CERK: variants seen among roughly 807,000 people sequenced by gnomAD.
CERK encodes ceramide kinase.
CERK carries 39 observed loss-of-function variants against 63.4 expected under a neutral mutation model. The ratio of observed to expected loss-of-function variants is 0.61; its 90% CI spans 0.48 to 0.80. CERK has a LOEUF of 0.80. CERK is among the 30% of genes least tolerant of loss of function. The pLI is 0.00. For synonymous variants in CERK, 302 were observed against 280.0 expected (o/e 1.08, Z -0.78); for missense variants, 670 against 714.1 (o/e 0.94, Z 0.70).
rs572903477 is a variant in CERK, at chr22:46,698,463, C to T, written c.943+850G>A. On this transcript the variant is annotated intron_variant, in intron 8 of 12. Transcript: ENST00000216264. Reference sequence around the variant, plus strand: ...CTACGGTGTAACCCCAACAAAACCACGCAACCTTGTTGAATGAAGTAAAGG... The same window carrying T: ...CTACGGTGTAACCCCAACAAAACCATGCAACCTTGTTGAATGAAGTAAAGG... Among the ~76,000 whole-genome samples, 30 of 152,372 alleles carry T rather than the reference C, an allele frequency of 2.0e-4. No homozygotes were observed. In the South Asian group the frequency reaches 4.8e-3, roughly 24 times the overall value.
chr22:46,717,318 T>C (rs1398636445), intron 3 of CERK, among the ~76,000 whole-genome samples: 1 of 152,194 alleles, frequency 6.6e-6, no homozygotes, highest in Non-Finnish European at 1.5e-5. Flanking sequence ...GCAAAAGACA[T>C]GCTCTAGAAT....
At chr22:46,702,437 A>G (rs1229959955) in intron 6 of CERK, among the ~76,000 whole-genome samples, 4 of 151,948 alleles carry the variant, frequency 2.6e-5, no homozygotes, top group African/African-American at 7.2e-5. Flanking sequence ...GATTACAGGC[A>G]CGCGCCACCA....
At chr22:46,703,256 A>G (rs1214747399) in intron 6 of CERK, among the ~76,000 whole-genome samples, 1 of 152,216 alleles carries the variant, frequency 6.6e-6, no homozygotes, top group East Asian at 1.9e-4. Flanking sequence ...CATGCCTTTC[A>G]GATGCTCCAG....
intron 1 of CERK, among the ~76,000 whole-genome samples, chr22:46,736,358 G>A (rs1446324609): frequency 6.6e-6 from 1 of 152,220 alleles, no homozygotes; most frequent in Non-Finnish European, 1.5e-5. Flanking sequence ...TGGAGCCTGA[G>A]GGAAGCCTTA....
At chr22:46,705,649 C>T (rs993211728) in intron 6 of CERK, among the ~76,000 whole-genome samples, 22 of 151,702 alleles carry the variant, frequency 1.5e-4, no homozygotes, top group African/African-American at 4.6e-4. Flanking sequence ...CCAGCCTGGA[C>T]GACAAAGTGA....
chr22:46,699,182 C>A, intron 8 of CERK, 131 bp downstream of exon 8: 1 of 919,028 alleles, frequency 1.1e-6, no homozygotes, highest in Non-Finnish European at 1.7e-6. Flanking sequence ...TTTCATGAGG[C>A]CCTTAGCTTC....
Position 46,738,107 on chromosome 22 carries a change from C to A in CERK, c.42G>T (p.Leu14=). The A allele has an allele frequency of 7.8e-7, 1 of 1,280,624 alleles. No homozygotes were observed. The allele number at this position is 1,280,624 out of a possible 1,614,324, so 79.3% of individuals were successfully genotyped here. A position where few individuals can be genotyped will look rare whatever the true frequency, so the allele number is the denominator to read the frequency against. The change falls in exon 1 of 13, where the codon CTG becomes CTT. Residue 14 remains leucine, a synonymous_variant. Transcript: ENST00000216264. ...TGAAEPLQSV[L]WVKQQRCAVS... is the part of the protein sequence containing the mutation. ...CGGCGCAGCGCTGCTGCTTCACCCA[C>A]AGCACGGATTGCAGCGGCTCCGCCG...
chr22:46,695,236 T>C lies in CERK; in HGVS notation c.1023A>G (p.Pro341=). 2 of 1,602,246 alleles carry C rather than the reference T, an allele frequency of 1.2e-6. No homozygotes were observed. The highest frequency in any genetic ancestry group is 1.7e-6 in the Non-Finnish European group (2 of 1,169,754). The change falls in exon 9 of 13, where the codon CCA becomes CCG. Residue 341 remains proline (P), a synonymous_variant. Transcript: ENST00000216264. ...CTGCCCGGCAGGGCTTCCTATCCCT[T>C]GGAGATCCCACCGTGTGTTGTGCAG... is the stretch of plus-strand genomic sequence containing the variant. ...FLPAQHTVGS[P]RDRKPCRAGC...
intron 5 of CERK, 97 bp from the exon 6 acceptor site, chr22:46,708,085 A>G (rs2082822894): frequency 2.2e-6 from 3 of 1,369,628 alleles, no homozygotes; most frequent in Non-Finnish European, 1.9e-6. Context: ...CAGCCTGCAC[A>G]CCTGGCCCTT....
rs561743408 is a variant in CERK, at chr22:46,736,151, A to G, written c.142+1856T>C. On this transcript the variant is annotated intron_variant, in intron 1 of 12. Transcript: ENST00000216264. ...AACCCGCACAAAAGCACCTTGGCTT[A>G]GCAAGAGTGAAGCAATTAGCATGCC... is the stretch of plus-strand genomic sequence containing the variant. 2.8e-4 allele frequency among the ~76,000 whole-genome samples: 43 copies of G among 152,388 alleles called. 1 individual carries two copies. Among genetic ancestry groups the G allele is most frequent in the African/African-American group, 8.4e-4 (35 of 41,598 alleles).
chr22:46,689,350 T>C (rs1248252914), intron 12 of CERK, among the ~76,000 whole-genome samples: 1 of 152,248 alleles, frequency 6.6e-6, no homozygotes, highest in Non-Finnish European at 1.5e-5. Context: ...GGACTGCCTG[T>C]AAAGGCGGTT....
chr22:46,704,824 C>CAAAAAA (rs11431926), intron 6 of CERK, among the ~76,000 whole-genome samples: 2 of 83,696 alleles, frequency 2.4e-5, no homozygotes, highest in Non-Finnish European at 4.6e-5. Flanking sequence ...GACTCCATCT[C>CAAAAAA]AAAAAAAAAA....
intron 10 of CERK, among the ~76,000 whole-genome samples, chr22:46,693,085 G>A (rs891937080): frequency 3.2e-4 from 49 of 152,166 alleles, no homozygotes; most frequent in Non-Finnish European, 2.2e-4. Context: ...AGACTGTGTG[G>A]TTGCCAGGGC....
At position 46,727,895 on chromosome 22, in the gene CERK, G is replaced by A. The variant is rs545764404; in HGVS notation, c.143-6880C>T. 2.0e-5 allele frequency among the ~76,000 whole-genome samples: 3 copies of A among 151,990 alleles called. No homozygotes were observed. The South Asian group carries it at 6.2e-4, about 32-fold the overall frequency. Reference sequence around the variant, plus strand: ...GGATGCTCCCTTAGCATGCACAGGAGGCCTGGACCTGAGGATGCCAAATCA... The same window carrying A: ...GGATGCTCCCTTAGCATGCACAGGAAGCCTGGACCTGAGGATGCCAAATCA... On this transcript the variant is annotated intron_variant, in intron 1 of 12. Coordinates refer to ENST00000216264, the MANE Select transcript of CERK (RefSeq NM_022766.6).
In CERK at chr22:46,684,681, T is replaced by C. The variant is rs1308629277; in HGVS notation, c.*2453A>G. ...TAAAACTAGCCTTTCTAAGTTATCC[T>C]AAGTTTTTACTATCTAACCAGCACT... On this transcript the variant is annotated 3_prime_UTR_variant, in exon 13 of 13. Coordinates refer to ENST00000216264, the MANE Select transcript of CERK (RefSeq NM_022766.6). 1 of 151,828 alleles carries C rather than the reference T, an allele frequency of 6.6e-6. No individual in the cohort carries two copies. Among genetic ancestry groups the C allele is most frequent in the Non-Finnish European group, 1.5e-5 (1 of 67,980 alleles). The allele number at this position is 151,828 out of a possible 1,614,324, so 9.4% of individuals were successfully genotyped here.
Position 46,720,947 on chromosome 22 carries a change from C to T in CERK, c.211G>A (p.Gly71Ser). ...EETDVHGKHQ[G>S]SGKWQKMEKP... ...TCCATTTTCTGCCATTTTCCACTGCCTTGATGTTTCCCGTGAACGTCTGTT... is the reference window on the plus strand; with the variant it reads ...TCCATTTTCTGCCATTTTCCACTGCTTTGATGTTTCCCGTGAACGTCTGTT... The change falls in exon 2 of 13, where the codon GGC becomes AGC. Residue 71 changes from glycine to serine, a missense_variant. By Grantham distance (56) the Gly-to-Ser change is moderately conservative. Transcript: ENST00000216264. 1 of 1,613,644 alleles carries T rather than the reference C, an allele frequency of 6.2e-7. No homozygotes were observed. The highest frequency in any genetic ancestry group is 8.5e-7 in the Non-Finnish European group (1 of 1,179,662).
chr22:46,704,622 C>G (rs552557089), intron 6 of CERK, among the ~76,000 whole-genome samples: 1 of 151,994 alleles, frequency 6.6e-6, no homozygotes, highest in African/African-American at 2.4e-5. Context: ...GTCAGGAGTT[C>G]AAGACCAGCC....
At chr22:46,738,247 GGCGGCGGGAGGCGGC>G in exon 1 of CERK, 1 of 709,122 alleles carries the variant, frequency 1.4e-6, no homozygotes, top group Non-Finnish European at 1.7e-6. Context: ...GCGGGCGGCG[GGCGGCGGGAGGCGGC>G]GCTGCGTCAC....
chr22:46,718,625 G>T (rs1402720185), intron 3 of CERK, among the ~76,000 whole-genome samples: 1 of 152,204 alleles, frequency 6.6e-6, no homozygotes, highest in African/African-American at 2.4e-5. Context: ...TTCAAGCAAT[G>T]ATGCTGCTCT....
Sources: gnomAD v4.1 joint callset for allele counts (sites outside exome capture counted in the v4.1 genomes callset) on GRCh38, gnomAD v4.1.1 for gene constraint, MANE v1.5 for transcripts, NCBI Gene and HGNC (gene_info 2026-07-23, HGNC 2026-07-21) for gene names.